The following MYH11 variants were observed in gnomAD, a reference collection of about 807,000 sequenced individuals.
The protein encoded by MYH11 is myosin-11.
MYH11 carries 80 observed loss-of-function variants against 246.6 expected under a neutral mutation model. The ratio of observed to expected loss-of-function variants is 0.32; its 90% CI spans 0.27 to 0.39. MYH11 has a LOEUF of 0.39. MYH11 is among the 10% of genes least tolerant of loss of function. MYH11 has a pLI of 1.00. For synonymous variants in MYH11, 1,071 were observed against 1,015.5 expected (o/e 1.05, Z -1.04); for missense variants, 2,158 against 2,546.8 (o/e 0.85, Z 3.29).
intron 2 of MYH11, among the ~76,000 whole-genome samples, chr16:15,828,983 A>C (rs749602928): frequency 1.3e-5 from 2 of 152,048 alleles, no homozygotes; most frequent in South Asian, 4.1e-4. Flanking sequence ...CAGGAGTTTG[A>C]GAACAGCCTG....
chr16:15,763,747 A>ACCC, intron 10 of MYH11, 49 bp downstream of exon 10: 2 of 349,142 alleles, frequency 5.7e-6, no homozygotes, highest in Non-Finnish European at 1.1e-5. Context: ...CACCTCCCCC[A>ACCC]CCCCCCCAAC....
intron 3 of MYH11, 124 bp downstream of exon 3, chr16:15,823,131 A>C (rs2043459761): frequency 1.5e-6 from 2 of 1,371,896 alleles, no homozygotes; most frequent in Admixed American, 3.8e-5. Flanking sequence ...TCCCTTTTTC[A>C]GCCACAGTAA....
At chr16:15,754,278 A>G (rs762407453) in intron 14 of MYH11, among the ~76,000 whole-genome samples, 1 of 152,218 alleles carries the variant, frequency 6.6e-6, no homozygotes, top group Non-Finnish European at 1.5e-5. Flanking sequence ...TCTAATGAGC[A>G]TAATTTGTAA....
intron 2 of MYH11, among the ~76,000 whole-genome samples, chr16:15,830,706 C>A (rs769833007): frequency 2.0e-4 from 30 of 151,928 alleles, no homozygotes; most frequent in Non-Finnish European, 3.7e-4. Flanking sequence ...GGCAAAAACC[C>A]ATCTTTACAA....
At chr16:15,752,842 G>C (rs534103401) in intron 15 of MYH11, among the ~76,000 whole-genome samples, 1 of 152,176 alleles carries the variant, frequency 6.6e-6, no homozygotes, top group African/African-American at 2.4e-5. Flanking sequence ...TTGCACCACC[G>C]CCCTCCAGCC....
chr16:15,812,105 T>C (rs956650041), intron 3 of MYH11, among the ~76,000 whole-genome samples: 1 of 152,172 alleles, frequency 6.6e-6, no homozygotes, highest in Non-Finnish European at 1.5e-5. Flanking sequence ...GTAGACAGCC[T>C]TCCGTGGGAT....
chr16:15,741,286 C>T (rs2041263894), intron 22 of MYH11, 177 bp downstream of exon 22: 1 of 736,046 alleles, frequency 1.4e-6, no homozygotes, highest in Non-Finnish European at 2.4e-6. Context: ...AGTGGGCTCA[C>T]TGTGTTCCAG....
chr16:15,826,843 A>G (rs991941467), intron 2 of MYH11, among the ~76,000 whole-genome samples: 8 of 151,766 alleles, frequency 5.3e-5, no homozygotes, highest in Admixed American at 2.0e-4. Context: ...AATACAAAAA[A>G]TTAGCAGGGC....
At chr16:15,727,614 G>T (rs575517963) in intron 27 of MYH11, among the ~76,000 whole-genome samples, 1 of 152,136 alleles carries the variant, frequency 6.6e-6, no homozygotes, top group East Asian at 1.9e-4. Context: ...TTAAAAAAAT[G>T]AGTTGCCGAC....
At chr16:15,732,131 T>C (rs1398223614) in intron 27 of MYH11, among the ~76,000 whole-genome samples, 1 of 151,170 alleles carries the variant, frequency 6.6e-6, no homozygotes, top group African/African-American at 2.4e-5. Context: ...CCGGCTAATT[T>C]TTTGTATTTG....
chr16:15,724,263 G>C lies in MYH11; in HGVS notation c.4263C>G (p.Thr1421=). The change falls in exon 31 of 41, where the codon ACC becomes ACG. Residue 1421 remains threonine (T), a synonymous_variant. Coordinates refer to ENST00000300036, the MANE Select transcript of MYH11 (RefSeq NM_002474.3). ...KAAAYDKLEK[T]KNRLQQELDD... is the part of the protein sequence containing the mutation. ...CCAGCTCCTGCTGAAGCCTGTTCTT[G>C]GTCTTTTCCAGTTTATCATAAGCGG... The C allele has an allele frequency of 6.2e-7, 1 of 1,614,168 alleles. No homozygotes were observed. The highest frequency in any genetic ancestry group is 2.2e-5 in the East Asian group (1 of 44,886).
chr16:15,788,598 C>T (rs1409622629), intron 4 of MYH11, among the ~76,000 whole-genome samples: 3 of 152,056 alleles, frequency 2.0e-5, no homozygotes, highest in Non-Finnish European at 2.9e-5. Flanking sequence ...TCCTACAGGT[C>T]CCACTGTCCA....
chr16:15,788,224 CA>C, intron 4 of MYH11, among the ~76,000 whole-genome samples: 1 of 151,710 alleles, frequency 6.6e-6, no homozygotes, highest in Non-Finnish European at 1.5e-5. Context: ...GTGCCTTGAC[CA>C]AAACTTCACT....
At chr16:15,771,427 T>C in intron 9 of MYH11, 142 bp downstream of exon 9, 2 of 1,035,292 alleles carry the variant, frequency 1.9e-6, no homozygotes, top group Non-Finnish European at 2.7e-6. Flanking sequence ...ATAAAATTCA[T>C]TTTCCTCCTT....
intron 15 of MYH11, among the ~76,000 whole-genome samples, chr16:15,752,564 A>G (rs1303253114): frequency 6.6e-6 from 1 of 152,144 alleles, no homozygotes; most frequent in Non-Finnish European, 1.5e-5. Context: ...GGGTAGGCCC[A>G]GCCATCTGGG....
chr16:15,708,041 C>CTTGAG (rs2039559577), intron 40 of MYH11, among the ~76,000 whole-genome samples: 1 of 151,590 alleles, frequency 6.6e-6, no homozygotes, highest in Admixed American at 6.6e-5. Context: ...TGTGTGCATC[C>CTTGAG]TTGAGTCTTG....
chr16:15,828,783 ACT>A (rs1439061084), intron 2 of MYH11, among the ~76,000 whole-genome samples: 38 of 145,644 alleles, frequency 2.6e-4, no homozygotes, highest in African/African-American at 9.3e-4. Flanking sequence ...ACAGAGTGAG[ACT>A]CTAAAAAAAA....
At chr16:15,833,095 G>C (rs1004850873) in intron 2 of MYH11, among the ~76,000 whole-genome samples, 2 of 151,130 alleles carry the variant, frequency 1.3e-5, no homozygotes, top group South Asian at 4.2e-4. Flanking sequence ...TCAGGAGTTC[G>C]AGATCTGTTT....
At chr16:15,828,932 C>CCAG (rs141568048) in intron 2 of MYH11, among the ~76,000 whole-genome samples, 2,244 of 151,660 alleles carry the variant, frequency 0.015, 69 homozygotes, top group Admixed American at 0.067. Context: ...ACCTTTAATG[C>CCAG]CAGCACTTTG....
Sources: gnomAD v4.1 joint callset for allele counts (sites outside exome capture counted in the v4.1 genomes callset) on GRCh38, gnomAD v4.1.1 for gene constraint, MANE v1.5 for transcripts, NCBI Gene and HGNC (gene_info 2026-07-23, HGNC 2026-07-21) for gene names.